Variants in TAS2R50 observed in about 807,000 individuals in gnomAD.
TAS2R50 encodes the protein taste 2 receptor member 50.
For missense variants in TAS2R50, 372 were observed against 347.0 expected, an observed-to-expected ratio of 1.07 and a Z score of -0.57; for synonymous variants, 140 against 126.9, an observed-to-expected ratio of 1.10 and a Z score of -0.70.
In TAS2R50 at chr12:10,986,371, C is replaced by A; in HGVS notation, c.490G>T (p.Gly164Trp). ...WAEEYEGNMTGKMKLRNTVHL... is the reference protein window; with the variant it reads ...WAEEYEGNMTWKMKLRNTVHL... ...ACTGTATTCCTCAATTTCATCTTCC[C>A]AGTCATGTTTCCTTCATATTCTTCT... The change falls in exon 1 of 1, where the codon GGG becomes TGG. Residue 164 changes from glycine to tryptophan, a missense_variant. Transcript: ENST00000506868. 1 of 1,613,978 alleles carries A rather than the reference C, an allele frequency of 6.2e-7. No homozygotes were observed. The highest frequency in any genetic ancestry group is 2.2e-5 in the East Asian group (1 of 44,878).
the TAS2R50 span, chr12:10,986,842 TGTATA>T: frequency 6.5e-7 from 1 of 1,536,414 alleles, no homozygotes; most frequent in Non-Finnish European, 8.7e-7. Context: ...GAAAAAAAAA[TGTATA>T]GAAAAGTTAT....
rs779850072 is a variant in TAS2R50 at position 10,986,087 on chromosome 12, G to T, written c.774C>A (p.Asp258Glu). 2.5e-6 allele frequency: 4 copies of T among 1,614,046 alleles called. No homozygotes were observed. In the South Asian group the frequency reaches 4.4e-5, roughly 18 times the overall value. Residue 258 changes from aspartate to glutamate, a missense_variant, in exon 1 of 1, where the codon GAC (aspartate) becomes GAA (glutamate). By Grantham distance (45) the Asp-to-Glu change is conservative. Transcript: ENST00000506868. Reference sequence around the variant, plus strand: ...CAGCCTTGCTAACCATGACAACCGGGTCATTCCGCAGCCTCCTAGGACTCC... The same window carrying T: ...CAGCCTTGCTAACCATGACAACCGGTTCATTCCGCAGCCTCCTAGGACTCC... ...SVWSPRRLRN[D>E]PVVMVSKAVG...
chr12:10,986,903 C>T lies in TAS2R50; in HGVS notation c.-43G>A. 1 of 1,373,986 alleles carries T rather than the reference C, an allele frequency of 7.3e-7. No homozygotes were observed. The highest frequency in any genetic ancestry group is 1.6e-5 in the South Asian group (1 of 63,128). The allele number at this position is 1,373,986 out of a possible 1,614,324, so 85.1% of individuals were successfully genotyped here. ...GAAAGAAAATGCAAGCCTAATATCA[C>T]TGGTTGTGATTTCTTTAATACTCTG... On this transcript the variant is annotated 5_prime_UTR_variant, in exon 1 of 1. The change creates a new upstream start codon in the 5' untranslated region. Transcript: ENST00000506868.
rs1565523844 is a variant in TAS2R50, at chr12:10,986,644, G to C, written c.217C>G (p.Pro73Ala). The C allele has an allele frequency of 1.9e-6, 3 of 1,612,954 alleles. No individual in the cohort carries two copies. Among genetic ancestry groups the C allele is most frequent in the South Asian group, 1.1e-5 (1 of 90,796 alleles). The change falls in exon 1 of 1, where the codon CCA (proline) becomes GCA (alanine). Residue 73 changes from proline to alanine, a missense_variant. Coordinates refer to ENST00000506868, the MANE Select transcript of TAS2R50 (RefSeq NM_176890.2). ...CTTAATTCTACACTATAAAAAGCTG[G>C]ATTCAACACAGTTAAATACCAATTT... ...LLNWYLTVLN[P>A]AFYSVELRIT...
Position 10,986,522 on chromosome 12 carries a change from G to T in TAS2R50, c.339C>A (p.Phe113Leu). Residue 113 changes from phenylalanine to leucine, a missense_variant, in exon 1 of 1, where the codon TTC (phenylalanine) becomes TTA (leucine). Coordinates refer to ENST00000506868, the MANE Select transcript of TAS2R50 (RefSeq NM_176890.2). ...TTAAATGAAGAAAAAGAAGGTTGGAGAAATTGGCAATCTTGAGCAAATAAA... is the reference window on the plus strand; with the variant it reads ...TTAAATGAAGAAAAAGAAGGTTGGATAAATTGGCAATCTTGAGCAAATAAA... ...SIFYLLKIAN[F>L]SNLLFLHLKR... 6.2e-7 allele frequency: 1 copy of T among 1,614,078 alleles called. No individual in the cohort carries two copies. Among genetic ancestry groups the T allele is most frequent in the Non-Finnish European group, 8.5e-7 (1 of 1,180,010 alleles).
In TAS2R50 at chr12:10,986,289, G is replaced by T. The variant is rs868364909; in HGVS notation, c.572C>A (p.Ser191Tyr). 1 of 1,613,908 alleles carries T rather than the reference G, an allele frequency of 6.2e-7. No individual in the cohort carries two copies. The highest frequency in any genetic ancestry group is 8.5e-7 in the Non-Finnish European group (1 of 1,180,000). ...GATTAGCATCAGAAAAGATATCAGG[G>T]ACAGAGTAAAGGGTATGAAGCTCCA... ...TLWSFIPFTL[S>Y]LISFLMLICS... is the part of the protein sequence containing the mutation. The change falls in exon 1 of 1, where the codon TCC (serine) becomes TAC (tyrosine). Residue 191 changes from serine (S) to tyrosine (Y), a missense_variant. Transcript: ENST00000506868.
Position 10,986,322 on chromosome 12 carries a change from G to A in TAS2R50, c.539C>T (p.Thr180Ile). Residue 180 changes from threonine (T) to isoleucine (I), a missense_variant, in exon 1 of 1, where the codon ACT (threonine) becomes ATT (isoleucine). By Grantham distance (89) the Thr-to-Ile change is moderately conservative. Coordinates refer to ENST00000506868, the MANE Select transcript of TAS2R50 (RefSeq NM_176890.2). The part of the protein sequence containing the change: ...NTVHLSYLTV[T>I]TLWSFIPFTL... ...AAAGGGTATGAAGCTCCATAGGGTA[G>A]TTACAGTCAAATATGAAAGATGTAC... 1 of 1,613,986 alleles carries A rather than the reference G, an allele frequency of 6.2e-7. No individual in the cohort carries two copies. The highest frequency in any genetic ancestry group is 8.5e-7 in the Non-Finnish European group (1 of 1,179,984).
In TAS2R50 at chr12:10,986,594, A is replaced by C. The variant is rs1939643445; in HGVS notation, c.267T>G (p.Val89=). 6.2e-7 allele frequency: 1 copy of C among 1,613,996 alleles called. No homozygotes were observed. The highest frequency in any genetic ancestry group is 1.7e-5 in the Admixed American group (1 of 60,000). The change falls in exon 1 of 1, where the codon GTT becomes GTG. Residue 89 remains valine, a synonymous_variant. Transcript: ENST00000506868. ...GCCACATGCTGAAATGGTTGGTTAC[A>C]ACCCAGGCATTATAAGAAGTAATTC... The part of the protein sequence containing the change: ...ELRITSYNAW[V]VTNHFSMWLA...
Position 10,986,547 on chromosome 12 carries a change from A to G in TAS2R50, c.314T>C (p.Phe105Ser), listed in dbSNP as rs948450438. The G allele has an allele frequency of 7.4e-6, 12 of 1,614,000 alleles. No individual in the cohort carries two copies. Among genetic ancestry groups the G allele is most frequent in the Non-Finnish European group, 1.0e-5 (12 of 1,180,006 alleles). ...SMWLAANLSI[F>S]YLLKIANFSN... ...GAAATTGGCAATCTTGAGCAAATAA[A>G]ATATGCTGAGGTTAGCAGCAAGCCA... Residue 105 changes from phenylalanine to serine, a missense_variant, in exon 1 of 1, where the codon TTT becomes TCT. Physicochemically the swap from Phe to Ser is radical, Grantham distance 155 (BLOSUM62 -2). Transcript: ENST00000506868.
At position 10,986,447 on chromosome 12, in the gene TAS2R50, T is replaced by C. The variant is rs149784278; in HGVS notation, c.414A>G (p.Ile138Met). 5.0e-5 allele frequency: 80 copies of C among 1,613,852 alleles called. No homozygotes were observed. Among genetic ancestry groups the C allele is most frequent in the South Asian group, 1.2e-4 (11 of 91,070 alleles). Reference protein sequence around the residue: ...VILVILLGTLIFLVCHLLVAN... With the variant: ...VILVILLGTLMFLVCHLLVAN... ...CCACAAGAAGATGACAAACCAAAAA[T>C]ATCAAAGTCCCCAACAGTATCACCA... The change falls in exon 1 of 1, where the codon ATA (isoleucine) becomes ATG (methionine). Residue 138 changes from isoleucine to methionine, a missense_variant. By Grantham distance (10) the Ile-to-Met change is conservative (BLOSUM62 1). Transcript: ENST00000506868.
chr12:10,986,889 CA>C lies in TAS2R50; in HGVS notation c.-30del. 7.0e-7 allele frequency: 1 copy of C among 1,431,084 alleles called. No individual in the cohort carries two copies. Among genetic ancestry groups the C allele is most frequent in the Non-Finnish European group, 9.3e-7 (1 of 1,070,520 alleles). 88.6% of individuals were successfully genotyped at this position (1,431,084 alleles called of 1,614,324 possible). ...TGAGCAGAAAAAAAGAAAGAAAATG[CA>C]AGCCTAATATCACTGGTTGTGATTT... On this transcript the variant is annotated 5_prime_UTR_variant, in exon 1 of 1. Coordinates refer to ENST00000506868, the MANE Select transcript of TAS2R50 (RefSeq NM_176890.2).
chr12:10,986,778 G>A lies in TAS2R50; in HGVS notation c.83C>T (p.Ala28Val), dbSNP rs745998395. 2 of 1,593,328 alleles carry A rather than the reference G, an allele frequency of 1.3e-6. No individual in the cohort carries two copies. Among genetic ancestry groups the A allele is most frequent in the Non-Finnish European group, 1.7e-6 (2 of 1,175,252 alleles). Residue 28 changes from alanine to valine, a missense_variant, in exon 1 of 1, where the codon GCA becomes GTA. Ala to Val is a moderately conservative substitution (Grantham distance 64, BLOSUM62 0). Transcript: ENST00000506868. ...VLGNFANGFI[A>V]LVNFIDWVKR... ...CACCCAGTCAATGAAATTTACCAGT[G>A]CTATGAAGCCATTGGCAAAGTTTCC...
Sources: gnomAD v4.1 joint callset for allele counts on GRCh38, gnomAD v4.1.1 for gene constraint, MANE v1.5 for transcripts, NCBI Gene and HGNC (gene_info 2026-07-23, HGNC 2026-07-21) for gene names.